The following SPATA7 variants were observed in gnomAD, a reference collection of about 807,000 sequenced individuals.
The protein encoded by SPATA7 is spermatogenesis associated 7.
SPATA7 carries 43 observed loss-of-function variants against 51.8 expected under a neutral mutation model. The ratio of observed to expected loss-of-function variants is 0.83; its 90% CI spans 0.65 to 1.07. The LOEUF (loss-of-function observed/expected upper bound fraction) is 1.07. Ranked by LOEUF, SPATA7 falls within the 50% of genes least tolerant of loss-of-function variation. SPATA7 has a pLI of 0.00. For missense variants in SPATA7, 683 were observed against 701.3 expected (o/e 0.97, Z 0.30); for synonymous variants, 230 against 252.8 (o/e 0.91, Z 0.86).
At chr14:88,448,859 C>T (rs1190036426) in intron 3 of SPATA7, among the ~76,000 whole-genome samples, 6 of 152,104 alleles carry the variant, frequency 3.9e-5, no homozygotes, top group South Asian at 2.1e-4. Flanking sequence ...TCTCCAGCTG[C>T]GTGCTGGGAG....
downstream of SPATA7, among the ~76,000 whole-genome samples, chr14:88,455,526 T>C (rs563795849): frequency 4.7e-4 from 71 of 152,322 alleles, no homozygotes; most frequent in African/African-American, 1.6e-3. Flanking sequence ...ATATATTGAT[T>C]TCACATATAT....
intron 2 of SPATA7, chr14:88,391,833 C>T (rs2075754893): frequency 4.3e-6 from 1 of 230,740 alleles, no homozygotes; most frequent in Admixed American, 5.3e-5. Context: ...TTGAATAATA[C>T]ATTTCCTATT....
chr14:88,415,011 G>A (rs936535189), intron 4 of SPATA7, among the ~76,000 whole-genome samples: 1 of 152,170 alleles, frequency 6.6e-6, no homozygotes, highest in East Asian at 1.9e-4. Flanking sequence ...ACATGCAGAT[G>A]AGAAGAATGT....
intron 4 of SPATA7, among the ~76,000 whole-genome samples, chr14:88,413,461 G>A (rs1421162673): frequency 6.6e-6 from 1 of 152,120 alleles, no homozygotes; most frequent in Non-Finnish European, 1.5e-5. Context: ...CATCTTTAGG[G>A]TTTTCTAATT....
intron 5 of SPATA7, among the ~76,000 whole-genome samples, chr14:88,424,806 G>A (rs1487285828): frequency 1.3e-5 from 2 of 152,078 alleles, no homozygotes; most frequent in African/African-American, 4.8e-5. Flanking sequence ...GAGTAATGTT[G>A]TCTTGTATTT....
chr14:88,465,675 T>TGTAA (rs1362014832), intron 4 of SPATA7: 2 of 152,196 alleles, frequency 1.3e-5, no homozygotes, highest in Admixed American at 6.5e-5. Context: ...TGAAGCATTG[T>TGTAA]GTAAGTTTGG....
At chr14:88,452,943 C>T (rs1187462266) in intron 3 of SPATA7, among the ~76,000 whole-genome samples, 1 of 152,172 alleles carries the variant, frequency 6.6e-6, no homozygotes, top group Non-Finnish European at 1.5e-5. Context: ...TGTATCTGCT[C>T]AGGGTATCAT....
intron 5 of SPATA7, among the ~76,000 whole-genome samples, chr14:88,419,964 C>T (rs902157664): frequency 2.6e-5 from 4 of 152,168 alleles, no homozygotes; most frequent in African/African-American, 9.7e-5. Flanking sequence ...GGACCTGTAA[C>T]TTGCTTCTAC....
At chr14:88,463,491 G>A (rs1276233813) in intron 4 of SPATA7, among the ~76,000 whole-genome samples, 5 of 152,170 alleles carry the variant, frequency 3.3e-5, no homozygotes, top group African/African-American at 1.2e-4. Context: ...CCAGCAGGGT[G>A]CAGTAGGGAG....
At position 88,470,327 on chromosome 14, in the gene SPATA7, C is replaced by G. The variant is rs2077441158; in HGVS notation, c.*460C>G. 5 of 416,682 alleles carry G rather than the reference C, an allele frequency of 1.2e-5. No individual in the cohort carries two copies. In the South Asian group the frequency reaches 1.4e-4, roughly 11 times the overall value. The allele number at this position is 416,682 out of a possible 1,614,324, so 25.8% of individuals were successfully genotyped here. A position where few individuals can be genotyped will look rare whatever the true frequency, so the allele number is the denominator to read the frequency against. On this transcript the variant is annotated 3_prime_UTR_variant, in exon 5 of 5. Transcript: ENST00000556406. ...TGCTGAATGTCAGTTCTCATTTATACAATAAAGATACTGCCTACCGTCATA... is the reference window on the plus strand; with the variant it reads ...TGCTGAATGTCAGTTCTCATTTATAGAATAAAGATACTGCCTACCGTCATA...
At chr14:88,391,757 T>C (rs2075752307) in intron 2 of SPATA7, 2 of 409,496 alleles carry the variant, frequency 4.9e-6, no homozygotes, top group African/African-American at 4.1e-5. Context: ...CTTGTTAAAA[T>C]GGTGAGTAGC....
intron 10 of SPATA7, among the ~76,000 whole-genome samples, 157 bp downstream of exon 10, chr14:88,433,369 G>A (rs1368534947): frequency 6.6e-6 from 1 of 152,106 alleles, no homozygotes; most frequent in African/African-American, 2.4e-5. Flanking sequence ...TTGATAGCAA[G>A]TTGTAAAGAA....
intron 4 of SPATA7, chr14:88,468,832 A>C: frequency 6.4e-7 from 1 of 1,563,404 alleles, no homozygotes; most frequent in South Asian, 1.1e-5. Context: ...AATGTGCGCA[A>C]AAAGAGCTAT....
At chr14:88,430,577 G>A (rs1019988015) in intron 8 of SPATA7, among the ~76,000 whole-genome samples, 2 of 152,030 alleles carry the variant, frequency 1.3e-5, no homozygotes, top group African/African-American at 2.4e-5. Flanking sequence ...TCATAATAAT[G>A]TATCTATATC....
intron 5 of SPATA7, among the ~76,000 whole-genome samples, chr14:88,418,822 C>G (rs1595248614): frequency 6.6e-6 from 1 of 152,140 alleles, no homozygotes; most frequent in Non-Finnish European, 1.5e-5. Context: ...TCATTTAGAA[C>G]TATTTCTTAA....
chr14:88,458,078 C>A (rs1301539723), downstream of SPATA7, among the ~76,000 whole-genome samples: 14 of 152,116 alleles, frequency 9.2e-5, no homozygotes, highest in South Asian at 2.9e-3. Flanking sequence ...GGATGAAGCC[C>A]ACTTGATCAT....
chr14:88,461,115 C>T (rs1466262705), intron 4 of SPATA7, among the ~76,000 whole-genome samples: 1 of 152,178 alleles, frequency 6.6e-6, no homozygotes, highest in Non-Finnish European at 1.5e-5. Context: ...GTCAGTCTGC[C>T]CCTACTGGGA....
Position 88,392,675 on chromosome 14 carries a change from A to G in SPATA7, c.95-718A>G, listed in dbSNP as rs116778060. 6.7e-3 allele frequency among the ~76,000 whole-genome samples: 1,021 copies of G among 152,252 alleles called. 10 individuals are homozygous for G. The highest frequency in any genetic ancestry group is 0.024 in the African/African-American group (978 of 41,562). The stretch of plus-strand genomic sequence containing the variant: ...AGAAATCACTTCTTTTTCAAACTCC[A>G]TATGCCATTTTAGCTGTTGAATTTT... On this transcript the variant is annotated intron_variant, in intron 2 of 11. Transcript: ENST00000393545.
chr14:88,401,431 TGGTATAA>T (rs1207716133), intron 4 of SPATA7, among the ~76,000 whole-genome samples: 1 of 152,204 alleles, frequency 6.6e-6, no homozygotes, highest in Admixed American at 6.5e-5. Context: ...CTCTAAGATC[TGGTATAA>T]GGCAAGGATT....
Sources: gnomAD v4.1 joint callset for allele counts (sites outside exome capture counted in the v4.1 genomes callset) on GRCh38, gnomAD v4.1.1 for gene constraint, MANE v1.5 for transcripts, NCBI Gene and HGNC (gene_info 2026-07-23, HGNC 2026-07-21) for gene names.